The following FRMPD2 variants were observed in gnomAD, a reference collection of about 807,000 sequenced individuals.
FRMPD2 encodes FERM and PDZ domain containing 2, also known as FERM and PDZ domain-containing protein 2.
Under a neutral mutation model 140.1 loss-of-function variants are expected in FRMPD2, and 96 were observed. That is an observed-to-expected ratio of 0.69 (90% CI 0.58 to 0.81). FRMPD2 has a LOEUF of 0.81. FRMPD2 is among the 40% of genes least tolerant of loss of function. FRMPD2 has a pLI of 0.00. For missense variants in FRMPD2, 1,240 were observed against 1,447.4 expected (o/e 0.86, Z 2.32); for synonymous variants, 449 against 547.6 (o/e 0.82, Z 2.52).
chr10:48,274,594 G>A lies in FRMPD2; in HGVS notation c.-27C>T, dbSNP rs1840822451. 6.2e-7 allele frequency: 1 copy of A among 1,612,948 alleles called. No individual in the cohort carries two copies. The highest frequency in any genetic ancestry group is 8.5e-7 in the Non-Finnish European group (1 of 1,179,084). Reference sequence around the variant, plus strand: ...CAAAAGTCTCCGTGACCAGGTCTAGGCCTTCATCATGGGACAACTTTCCAA... The same window carrying A: ...CAAAAGTCTCCGTGACCAGGTCTAGACCTTCATCATGGGACAACTTTCCAA... On this transcript the variant is annotated 5_prime_UTR_variant, in exon 1 of 29. Transcript: ENST00000374201.
At chr10:48,208,715 G>A (rs1482292008) in intron 13 of FRMPD2, among the ~76,000 whole-genome samples, 1 of 152,134 alleles carries the variant, frequency 6.6e-6, no homozygotes, top group Non-Finnish European at 1.5e-5. Context: ...AGTCTCCTAG[G>A]ATGCTTCTCC....
chr10:48,261,327 A>G (rs1454444525), intron 1 of FRMPD2, among the ~76,000 whole-genome samples: 1 of 152,118 alleles, frequency 6.6e-6, no homozygotes, highest in Non-Finnish European at 1.5e-5. Context: ...AAAAAAACAC[A>G]TGTAACCCTA....
Position 48,236,469 on chromosome 10 carries a change from G to T in FRMPD2, c.993+13C>A, listed in dbSNP as rs757332925. The T allele has an allele frequency of 4.3e-6, 7 of 1,613,086 alleles. No homozygotes were observed. The highest frequency in any genetic ancestry group is 1.1e-5 in the South Asian group (1 of 91,072). ...CCACCCTCCATCCCTGCCCAGTCTA[G>T]CCCAGTAGTTACCACAACCGATCCC... On this transcript the variant is annotated intron_variant, in intron 9 of 28. Transcript: ENST00000374201.
intron 7 of FRMPD2, among the ~76,000 whole-genome samples, chr10:48,238,902 C>G (rs1840031261): frequency 1.3e-5 from 2 of 152,198 alleles, no homozygotes; most frequent in Admixed American, 6.5e-5. Context: ...GGCCTTTAGG[C>G]CTGATATGGC....
Position 48,158,467 on chromosome 10 carries a change from C to T in FRMPD2, c.3882-1097G>A, listed in dbSNP as rs1483157723. ...TTGGAGAATTTCATTAAGATAGAGA[C>T]ATTCTTTCACAGCAAGCCTCATGTT... On this transcript the variant is annotated intron_variant, in intron 28 of 28. Coordinates refer to ENST00000374201, the MANE Select transcript of FRMPD2 (RefSeq NM_001018071.4). 2.5e-4 allele frequency among the ~76,000 whole-genome samples: 37 copies of T among 150,536 alleles called. 1 individual carries two copies. Among genetic ancestry groups the T allele is most frequent in the Admixed American group, 2.1e-3 (32 of 15,126 alleles).
In FRMPD2 at chr10:48,193,940, C is replaced by T. The variant is rs139229499; in HGVS notation, c.1955-1046G>A. ...AAAAAAACTTTTTGAGAATTTTCTG[C>T]ATGCATGAGGCACTATGGTACCATC... On this transcript the variant is annotated intron_variant, in intron 15 of 28. Transcript: ENST00000374201. Among the ~76,000 whole-genome samples the T allele has an allele frequency of 3.3e-3, 503 of 152,276 alleles. 5 individuals carry two copies. Among genetic ancestry groups the T allele is most frequent in the African/African-American group, 0.011 (476 of 41,560 alleles).
chr10:48,171,569 T>C (rs1838256362), intron 25 of FRMPD2, among the ~76,000 whole-genome samples: 1 of 152,296 alleles, frequency 6.6e-6, no homozygotes, highest in Non-Finnish European at 1.5e-5. Flanking sequence ...ATATTACCAC[T>C]TCAACATGTC....
intron 13 of FRMPD2, among the ~76,000 whole-genome samples, chr10:48,209,785 A>G (rs1839277902): frequency 6.6e-6 from 1 of 152,234 alleles, no homozygotes; most frequent in Non-Finnish European, 1.5e-5. Context: ...GGAATGAAGC[A>G]GAAATACAGC....
chr10:48,236,458 T>C, intron 9 of FRMPD2, 24 bp downstream of exon 9: 1 of 1,611,698 alleles, frequency 6.2e-7, no homozygotes, highest in Non-Finnish European at 8.5e-7. Flanking sequence ...CCTCCATCCC[T>C]GCCCAGTCTA....
At chr10:48,161,085 G>A (rs1337637368) in intron 28 of FRMPD2, among the ~76,000 whole-genome samples, 4 of 151,036 alleles carry the variant, frequency 2.6e-5, no homozygotes, top group Admixed American at 1.3e-4. Flanking sequence ...GGTGCGGTTG[G>A]CCATTGAGAG....
At chr10:48,209,978 T>A (rs1839281880) in intron 13 of FRMPD2, among the ~76,000 whole-genome samples, 1 of 152,194 alleles carries the variant, frequency 6.6e-6, no homozygotes, top group Admixed American at 6.5e-5. Flanking sequence ...AAAGTGCATG[T>A]ATAATATAAA....
intron 1 of FRMPD2, among the ~76,000 whole-genome samples, chr10:48,258,002 A>G (rs1044910057): frequency 1.2e-4 from 19 of 152,222 alleles, no homozygotes; most frequent in Admixed American, 1.2e-3. Flanking sequence ...AACCTTAGCA[A>G]AATGCCTCAA....
intron 4 of FRMPD2, among the ~76,000 whole-genome samples, chr10:48,243,468 T>C (rs1260511816): frequency 6.6e-6 from 1 of 152,160 alleles, no homozygotes; most frequent in Admixed American, 6.5e-5. Flanking sequence ...TGGGGTCCCT[T>C]GTTCAAAATT....
chr10:48,245,004 T>A (rs1311844986), intron 3 of FRMPD2, among the ~76,000 whole-genome samples, 155 bp from the exon 4 acceptor site: 1 of 152,090 alleles, frequency 6.6e-6, no homozygotes, highest in Non-Finnish European at 1.5e-5. Flanking sequence ...TACCTCCTAC[T>A]CCGGAGGCTA....
At chr10:48,271,869 C>T (rs1462095938) in intron 1 of FRMPD2, among the ~76,000 whole-genome samples, 1 of 152,220 alleles carries the variant, frequency 6.6e-6, no homozygotes, top group Admixed American at 6.5e-5. Flanking sequence ...GGGCAAGTTA[C>T]TTCCTCTCTT....
chr10:48,184,330 C>A (rs1838623316), intron 20 of FRMPD2, among the ~76,000 whole-genome samples: 1 of 152,086 alleles, frequency 6.6e-6, no homozygotes, highest in Non-Finnish European at 1.5e-5. Context: ...CCGTGTCTAA[C>A]AAAATTAGAG....
chr10:48,266,239 G>A (rs1179355147), intron 1 of FRMPD2, among the ~76,000 whole-genome samples: 2 of 152,104 alleles, frequency 1.3e-5, no homozygotes, highest in African/African-American at 4.8e-5. Context: ...AGAGAAGGGA[G>A]AGGAGCACAA....
intron 1 of FRMPD2, among the ~76,000 whole-genome samples, chr10:48,265,679 A>T (rs1205727474): frequency 1.3e-5 from 2 of 152,190 alleles, no homozygotes; most frequent in Admixed American, 6.5e-5. Flanking sequence ...ACCATCTCAC[A>T]CTGGTCAGAA....
intron 16 of FRMPD2, 108 bp from the exon 17 acceptor site, chr10:48,187,400 T>C: frequency 1.2e-6 from 1 of 858,176 alleles, no homozygotes; most frequent in Non-Finnish European, 1.9e-6. Flanking sequence ...TGAGTATGGA[T>C]GATGGCCCGG....
Sources: gnomAD v4.1 joint callset for allele counts (sites outside exome capture counted in the v4.1 genomes callset) on GRCh38, gnomAD v4.1.1 for gene constraint, MANE v1.5 for transcripts, NCBI Gene and HGNC (gene_info 2026-07-23, HGNC 2026-07-21) for gene names.